PDE12: variants seen among roughly 807,000 people sequenced by gnomAD.
PDE12 encodes the protein phosphodiesterase 12.
PDE12 carries 26 observed loss-of-function variants against 45.4 expected under a neutral mutation model. The observed-to-expected ratio is 0.57, with a 90% CI of 0.42 to 0.79. PDE12 has a LOEUF of 0.79. PDE12 is among the 30% of genes least tolerant of loss of function. The pLI, the probability that PDE12 is intolerant of heterozygous loss-of-function variation, is 0.00. For synonymous variants in PDE12, 283 were observed against 323.9 expected, an observed-to-expected ratio of 0.87 and a Z score of 1.36; for missense variants, 668 against 790.0, an observed-to-expected ratio of 0.85 and a Z score of 1.85.
the PDE12 span, among the ~76,000 whole-genome samples, chr3:57,631,877 C>T: frequency 4.0e-5 from 6 of 151,212 alleles, no homozygotes; most frequent in East Asian, 1.2e-3. Flanking sequence ...CGCCCACCAC[C>T]ACGCCCGGCT....
chr3:57,650,785 A>T, the PDE12 span, among the ~76,000 whole-genome samples: 2 of 143,024 alleles, frequency 1.4e-5, no homozygotes, highest in East Asian at 2.0e-4. Context: ...TCCACATGGA[A>T]TTTTTTTTTT....
Position 57,560,474 on chromosome 3 carries a change from C to T in PDE12, c.*470C>T, listed in dbSNP as rs970451374. 2.2e-5 allele frequency: 9 copies of T among 401,464 alleles called. No homozygotes were observed. Among genetic ancestry groups the T allele is most frequent in the Non-Finnish European group, 3.0e-5 (9 of 295,830 alleles). The allele number at this position is 401,464 out of a possible 1,614,324, so 24.9% of individuals were successfully genotyped here. A position where few individuals can be genotyped will look rare whatever the true frequency, so the allele number is the denominator to read the frequency against. On this transcript the variant is annotated 3_prime_UTR_variant, in exon 3 of 3. Coordinates refer to ENST00000311180, the MANE Select transcript of PDE12 (RefSeq NM_177966.7). ...CCGAGTAGCTGGGATTACAGGCGTG[C>T]GCCAACATGTCTGGCTAATTTTTGT...
At chr3:57,631,750 T>C in the PDE12 span, among the ~76,000 whole-genome samples, 1 of 129,020 alleles carries the variant, frequency 7.8e-6, no homozygotes, top group African/African-American at 3.0e-5. Flanking sequence ...TGAGACGGAG[T>C]CTCACTCTTT....
At chr3:57,576,573 T>C in the PDE12 span, among the ~76,000 whole-genome samples, 2 of 136,324 alleles carry the variant, frequency 1.5e-5, no homozygotes, top group African/African-American at 5.5e-5. Flanking sequence ...AATCCAACAA[T>C]GACTTAGTTA....
chr3:57,628,084 A>C, the PDE12 span: 1 of 1,315,902 alleles, frequency 7.6e-7, no homozygotes, highest in Non-Finnish European at 1.0e-6. Context: ...CAGTCTTTCT[A>C]CCCTGTAACT....
At chr3:57,628,185 C>T in the PDE12 span, 1 of 1,606,338 alleles carries the variant, frequency 6.2e-7, no homozygotes, top group Non-Finnish European at 8.5e-7. Context: ...GATGCATAAT[C>T]CTTTTTGGCT....
chr3:57,616,448 TGAA>T, the PDE12 span, among the ~76,000 whole-genome samples: 16 of 127,304 alleles, frequency 1.3e-4, 1 homozygote, highest in South Asian at 2.0e-3. Context: ...AGAAGGAAGA[TGAA>T]GAGTAGGAGG....
downstream of PDE12, among the ~76,000 whole-genome samples, chr3:57,570,982 T>TTTG (rs752902401): frequency 1.3e-5 from 2 of 151,750 alleles, no homozygotes; most frequent in South Asian, 2.1e-4. Context: ...ACCTGATTTT[T>TTTG]TTGTTGTTGT....
At chr3:57,584,430 C>G in the PDE12 span, 2 of 1,613,720 alleles carry the variant, frequency 1.2e-6, no homozygotes, top group Non-Finnish European at 8.5e-7. Flanking sequence ...TCAGTTTATA[C>G]AGAATGGTTG....
the PDE12 span, among the ~76,000 whole-genome samples, chr3:57,580,690 G>A: frequency 1.3e-5 from 2 of 151,858 alleles, no homozygotes; most frequent in African/African-American, 2.4e-5. Flanking sequence ...CATAGCACCC[G>A]GTCCTGAAAC....
At chr3:57,572,853 ACT>A in the PDE12 span, among the ~76,000 whole-genome samples, 1 of 152,124 alleles carries the variant, frequency 6.6e-6, no homozygotes, top group Non-Finnish European at 1.5e-5. Flanking sequence ...GGTTTTTATA[ACT>A]CTCGTTTCCC....
the PDE12 span, chr3:57,596,960 C>T: frequency 1.7e-6 from 2 of 1,181,568 alleles, no homozygotes; most frequent in Non-Finnish European, 2.4e-6. Flanking sequence ...ACCCCCGACC[C>T]GGCGCCCCTC....
chr3:57,570,518 ATTGTTATTTAT>A (rs2069830194), downstream of PDE12, among the ~76,000 whole-genome samples: 2 of 151,676 alleles, frequency 1.3e-5, no homozygotes, highest in African/African-American at 4.8e-5. Context: ...ACGCCTGGCC[ATTGTTATTTAT>A]TTGACAATTC....
chr3:57,586,916 T>C, the PDE12 span, among the ~76,000 whole-genome samples: 11 of 152,044 alleles, frequency 7.2e-5, no homozygotes, highest in Non-Finnish European at 8.8e-5. Flanking sequence ...CAAGTCAGAA[T>C]TGAAACTGAG....
the PDE12 span, chr3:57,646,267 C>A: frequency 1.3e-6 from 2 of 1,581,594 alleles, no homozygotes; most frequent in South Asian, 1.2e-5. Flanking sequence ...AGGTTAAGTA[C>A]TGCAGCATCC....
At chr3:57,594,972 T>C in the PDE12 span, among the ~76,000 whole-genome samples, 23 of 152,330 alleles carry the variant, frequency 1.5e-4, no homozygotes, top group Non-Finnish European at 1.6e-4. Context: ...ACTGAAGTGT[T>C]TTTTAGTCAA....
At chr3:57,656,321 G>C in the PDE12 span, among the ~76,000 whole-genome samples, 1 of 152,082 alleles carries the variant, frequency 6.6e-6, no homozygotes, top group Non-Finnish European at 1.5e-5. Flanking sequence ...AATGCTTTTG[G>C]AAGTCTTTCA....
In PDE12 at chr3:57,556,781, G is replaced by A. The variant is rs1182078935; in HGVS notation, c.402G>A (p.Glu134=). 4 of 1,611,034 alleles carry A rather than the reference G, an allele frequency of 2.5e-6. No homozygotes were observed. Among genetic ancestry groups the A allele is most frequent in the Non-Finnish European group, 3.4e-6 (4 of 1,177,812 alleles). The change falls in exon 1 of 3, where the codon GAG becomes GAA. Residue 134 remains glutamate, a synonymous_variant. Transcript: ENST00000311180. The surrounding 1 kb of genome is among the most constrained non-coding windows in gnomAD (Gnocchi z 5.0). ...KLYYREEAVA[E]DVLNVDAWQD... ...ACTACCGGGAAGAGGCAGTGGCTGA[G>A]GACGTGCTCAACGTGGATGCCTGGC...
chr3:57,568,757 T>C (rs1226169288), downstream of PDE12, among the ~76,000 whole-genome samples: 1 of 150,858 alleles, frequency 6.6e-6, no homozygotes, highest in Non-Finnish European at 1.5e-5. Flanking sequence ...AAGTGGAAAA[T>C]TTCATGGAAA....
Sources: gnomAD v4.1 joint callset for allele counts (sites outside exome capture counted in the v4.1 genomes callset) on GRCh38, gnomAD v4.1.1 for gene constraint, Gnocchi (gnomAD v3.1) non-coding constraint, MANE v1.5 for transcripts, NCBI Gene and HGNC (gene_info 2026-07-23, HGNC 2026-07-21) for gene names.